Variants in SNX19 observed in about 807,000 individuals in gnomAD.
The protein encoded by SNX19 is sorting nexin 19, also known as sorting nexin-19.
In SNX19, 60 loss-of-function variants were observed where a neutral mutation model predicts 85.2. The observed-to-expected ratio is 0.70, with a 90% CI of 0.57 to 0.87. The LOEUF (loss-of-function observed/expected upper bound fraction) is 0.87. Ranked by LOEUF, SNX19 falls within the 40% of genes least tolerant of loss-of-function variation. The pLI is 0.00. For synonymous variants in SNX19, 520 were observed against 470.0 expected (o/e 1.11, Z -1.38); for missense variants, 1,201 against 1,217.8 (o/e 0.99, Z 0.21).
chr11:130,906,255 C>G, intron 6 of SNX19, 122 bp from the exon 7 acceptor site: 2 of 934,292 alleles, frequency 2.1e-6, no homozygotes, highest in Non-Finnish European at 1.6e-6. Flanking sequence ...CCAACTGATG[C>G]TATGACTCCT....
At chr11:130,887,328 C>T (rs972840308) in intron 8 of SNX19, among the ~76,000 whole-genome samples, 6 of 152,206 alleles carry the variant, frequency 3.9e-5, no homozygotes, top group Admixed American at 1.3e-4. Context: ...ACCAACTCTA[C>T]ATATGAAAGC....
chr11:130,892,490 C>T (rs1944565333), intron 8 of SNX19, among the ~76,000 whole-genome samples: 1 of 152,182 alleles, frequency 6.6e-6, no homozygotes, highest in Non-Finnish European at 1.5e-5. Context: ...AAAAAGACTA[C>T]TTCAGACCTT....
rs148900446 is a variant in SNX19, at chr11:130,908,000, C to T, written c.2118G>A (p.Glu706=). The change falls in exon 5 of 11, where the codon GAG becomes GAA. Residue 706 remains glutamate, a synonymous_variant. Transcript: ENST00000265909. ...EPQSPTEELS[E]AETESKPQTE... ...TCTGGGGCTTGCTTTCGGTCTCGGCCTCACTCAGCTCCTCTGTGGGGCTCT... is the reference window on the plus strand; with the variant it reads ...TCTGGGGCTTGCTTTCGGTCTCGGCTTCACTCAGCTCCTCTGTGGGGCTCT... 2.5e-6 allele frequency: 4 copies of T among 1,614,152 alleles called. No individual in the cohort carries two copies. Among genetic ancestry groups the T allele is most frequent in the Non-Finnish European group, 3.4e-6 (4 of 1,180,022 alleles).
chr11:130,866,735 A>C lies in SNX19; in HGVS notation c.*11687T>G, dbSNP rs560941674. The C allele has an allele frequency of 1.3e-5, 2 of 152,314 alleles. No homozygotes were observed. The highest frequency in any genetic ancestry group is 2.9e-5 in the Non-Finnish European group (2 of 68,030). 9.4% of individuals were successfully genotyped at this position (152,314 alleles called of 1,614,324 possible). On this transcript the variant is annotated 3_prime_UTR_variant, in exon 11 of 11. Transcript: ENST00000265909. The stretch of plus-strand genomic sequence containing the variant: ...AGCTCTAGACTTACTGAACAGAAAG[A>C]CCTTGGGTGAACTTTTCATTGAAAC...
intron 8 of SNX19, among the ~76,000 whole-genome samples, chr11:130,891,963 C>G (rs895650361): frequency 3.3e-5 from 5 of 151,630 alleles, no homozygotes; most frequent in African/African-American, 1.2e-4. Context: ...GCCTCAGCCT[C>G]CCGAGTACCT....
intron 1 of SNX19, among the ~76,000 whole-genome samples, chr11:130,913,821 T>C (rs901832134): frequency 6.6e-6 from 1 of 152,264 alleles, no homozygotes; most frequent in Middle Eastern, 3.4e-3. Context: ...AGAGGGTTGG[T>C]TGGATTAGAG....
chr11:130,911,479 A>G, intron 2 of SNX19, 154 bp downstream of exon 2: 1 of 1,476,178 alleles, frequency 6.8e-7, no homozygotes, highest in Admixed American at 2.4e-5. Context: ...GCTGCTGTCC[A>G]GCACTAAACT....
intron 10 of SNX19, 148 bp from the exon 11 acceptor site, chr11:130,878,702 GAACT>G: frequency 9.6e-7 from 1 of 1,039,342 alleles, no homozygotes; most frequent in Non-Finnish European, 1.4e-6. Context: ...AATGTTTTTT[GAACT>G]AATAAAGCCT....
intron 7 of SNX19, among the ~76,000 whole-genome samples, chr11:130,904,919 G>A (rs1305644897): frequency 1.3e-5 from 2 of 152,108 alleles, no homozygotes; most frequent in Non-Finnish European, 2.9e-5. Flanking sequence ...TTAGTTAACT[G>A]TGAGATGTGT....
chr11:130,893,868 C>T (rs937668206), intron 8 of SNX19: 5 of 699,866 alleles, frequency 7.1e-6, no homozygotes, highest in Non-Finnish European at 1.3e-5. Flanking sequence ...ATATTTCCCA[C>T]CAATTTACCC....
chr11:130,878,213 G>A lies in SNX19; in HGVS notation c.*209C>T, dbSNP rs1341046843. The A allele has an allele frequency of 7.0e-6, 3 of 428,320 alleles. No individual in the cohort carries two copies. Among genetic ancestry groups the A allele is most frequent in the African/African-American group, 2.0e-5 (1 of 50,756 alleles). The allele number at this position is 428,320 out of a possible 1,614,324, so 26.5% of individuals were successfully genotyped here. A position where few individuals can be genotyped will look rare whatever the true frequency, so the allele number is the denominator to read the frequency against. The stretch of plus-strand genomic sequence containing the variant: ...CAGCAACAATCCCAACATCACAAAA[G>A]GAACAGGGAAATAAACGTGCATACA... On this transcript the variant is annotated 3_prime_UTR_variant, in exon 11 of 11. Coordinates refer to ENST00000265909, the MANE Select transcript of SNX19 (RefSeq NM_014758.3).
At chr11:130,879,825 T>C in intron 9 of SNX19, 114 bp from the exon 10 acceptor site, 1 of 814,496 alleles carries the variant, frequency 1.2e-6, no homozygotes, top group Non-Finnish European at 2.1e-6. Flanking sequence ...ATTTCAGGCC[T>C]ACCTCTAAAC....
At chr11:130,902,906 T>G (rs1945353463) in intron 8 of SNX19, among the ~76,000 whole-genome samples, 1 of 152,204 alleles carries the variant, frequency 6.6e-6, no homozygotes, top group African/African-American at 2.4e-5. Flanking sequence ...ATAATGTCAG[T>G]TGAGACAAAT....
intron 8 of SNX19, chr11:130,893,022 A>G (rs1032451360): frequency 6.6e-6 from 1 of 152,244 alleles, no homozygotes; most frequent in Admixed American, 6.5e-5. Flanking sequence ...CACCAGGAAG[A>G]AAGGCAAGAC....
chr11:130,884,024 C>A (rs1294768367), intron 8 of SNX19, among the ~76,000 whole-genome samples: 1 of 152,146 alleles, frequency 6.6e-6, no homozygotes, highest in Admixed American at 6.5e-5. Context: ...CTTTGCCTTG[C>A]CCAACACCTG....
Position 130,915,166 on chromosome 11 carries a change from G to A in SNX19, c.774C>T (p.Asp258=). ...LPLISRLSDP[D]WIHLVLVGIF... ...TACCCACGAGTACAAGGTGGATCCAGTCAGGATCTGACAGCCTGCTGATCA... is the reference window on the plus strand; with the variant it reads ...TACCCACGAGTACAAGGTGGATCCAATCAGGATCTGACAGCCTGCTGATCA... The change falls in exon 1 of 11, where the codon GAC becomes GAT. Residue 258 remains aspartate (D), a synonymous_variant. Coordinates refer to ENST00000265909, the MANE Select transcript of SNX19 (RefSeq NM_014758.3). 6.2e-7 allele frequency: 1 copy of A among 1,614,226 alleles called. No homozygotes were observed. The highest frequency in any genetic ancestry group is 8.5e-7 in the Non-Finnish European group (1 of 1,180,052).
rs7127497 is a variant in SNX19, at chr11:130,905,808, C to T, written c.2443+145G>A. 1.3e-3 allele frequency: 1,976 copies of T among 1,544,426 alleles called. 21 individuals are homozygous for T. The African/African-American group carries it at 0.021, about 17-fold the overall frequency. On this transcript the variant is annotated intron_variant, in intron 7 of 10. Coordinates refer to ENST00000265909, the MANE Select transcript of SNX19 (RefSeq NM_014758.3). ...TACTACTCATCTCTGTGCCCCAACACAGCACCTCCAACACTGGAGTTCAAC... is the reference window on the plus strand; with the variant it reads ...TACTACTCATCTCTGTGCCCCAACATAGCACCTCCAACACTGGAGTTCAAC...
intron 8 of SNX19, among the ~76,000 whole-genome samples, chr11:130,886,724 C>T (rs1469254641): frequency 6.6e-6 from 1 of 152,186 alleles, no homozygotes; most frequent in Non-Finnish European, 1.5e-5. Context: ...CATTTCACAC[C>T]TGATAAAAGT....
Position 130,875,443 on chromosome 11 carries a change from G to T in SNX19, c.*2979C>A, listed in dbSNP as rs577351533. The T allele has an allele frequency of 1.3e-5, 2 of 152,282 alleles. No individual in the cohort carries two copies. The highest frequency in any genetic ancestry group is 4.1e-4 in the South Asian group (2 of 4,828). The allele number at this position is 152,282 out of a possible 1,614,324, so 9.4% of individuals were successfully genotyped here. On this transcript the variant is annotated 3_prime_UTR_variant, in exon 11 of 11. Coordinates refer to ENST00000265909, the MANE Select transcript of SNX19 (RefSeq NM_014758.3). Reference sequence around the variant, plus strand: ...GCAGTCTGCTACAAAGCACTGTGCTGCTTCTAGTTAATAATGTACCGTCTC... The same window carrying T: ...GCAGTCTGCTACAAAGCACTGTGCTTCTTCTAGTTAATAATGTACCGTCTC...
Sources: allele counts gnomAD v4.1 joint callset (sites outside exome capture counted in the v4.1 genomes callset), GRCh38; gene constraint gnomAD v4.1.1; transcripts MANE v1.5; gene names NCBI Gene and HGNC (gene_info 2026-07-23, HGNC 2026-07-21).